The following FRAS1 variants were observed in gnomAD, a reference collection of about 807,000 sequenced individuals.
The protein encoded by FRAS1 is extracellular matrix organizing protein FRAS1.
In FRAS1, 290 loss-of-function variants were observed where a neutral mutation model predicts 435.2. The observed-to-expected ratio is 0.67, with a 90% CI of 0.61 to 0.73. The LOEUF (loss-of-function observed/expected upper bound fraction) is 0.73. FRAS1 is among the 30% of genes least tolerant of loss of function. FRAS1 has a pLI of 0.00. For missense variants in FRAS1, 4,860 were observed against 5,001.5 expected, an observed-to-expected ratio of 0.97 and a Z score of 0.85; for synonymous variants, 1,800 against 1,851.0, an observed-to-expected ratio of 0.97 and a Z score of 0.71.
At chr4:78,185,108 T>G (rs1352419460) in intron 2 of FRAS1, among the ~76,000 whole-genome samples, 1 of 152,228 alleles carries the variant, frequency 6.6e-6, no homozygotes, top group East Asian at 1.9e-4. Flanking sequence ...GTATTATCAC[T>G]TTTCAAGATG....
intron 2 of FRAS1, among the ~76,000 whole-genome samples, chr4:78,172,049 T>G (rs938924921): frequency 6.6e-6 from 1 of 152,176 alleles, no homozygotes; most frequent in Non-Finnish European, 1.5e-5. Context: ...GGGCCTTGAC[T>G]TCTGACCTCT....
chr4:78,089,245 T>C (rs917301591), intron 2 of FRAS1, among the ~76,000 whole-genome samples: 2 of 122,112 alleles, frequency 1.6e-5, no homozygotes, highest in East Asian at 2.5e-4. Context: ...CACATGGACA[T>C]AGGAAGGGGA....
rs529174877 is a variant in FRAS1, at chr4:78,218,951, C to CA, written c.109-18555dup. ...TCACAAAAGATGACCTTGAAGTTTA[C>CA]AAAAGACACATTTCTTTCTATTCTT... On this transcript the variant is annotated intron_variant, in intron 2 of 73. Transcript: ENST00000512123. 1.4e-4 allele frequency among the ~76,000 whole-genome samples: 22 copies of CA among 152,278 alleles called. No individual in the cohort carries two copies. The East Asian group carries it at 3.7e-3, about 25-fold the overall frequency.
In FRAS1 at chr4:78,416,777, C is replaced by T. The variant is rs563265242; in HGVS notation, c.4426-2172C>T. Among the ~76,000 whole-genome samples the T allele has an allele frequency of 2.6e-5, 4 of 152,238 alleles. No individual in the cohort carries two copies. In the South Asian group the frequency reaches 8.3e-4, roughly 32 times the overall value. On this transcript the variant is annotated intron_variant, in intron 32 of 73. Coordinates refer to ENST00000512123, the MANE Select transcript of FRAS1 (RefSeq NM_025074.7). ...GGGTGTTGAGCAGAGGCCTCATGTC[C>T]TTGTGAAAGGATCACACTGGCTGTT...
At chr4:78,294,477 C>T (rs893204608) in intron 14 of FRAS1, among the ~76,000 whole-genome samples, 3 of 152,042 alleles carry the variant, frequency 2.0e-5, no homozygotes, top group Non-Finnish European at 4.4e-5. Flanking sequence ...CCTATGTTGT[C>T]GATTTAGGAA....
chr4:78,490,588 A>G (rs1180445320), intron 59 of FRAS1, among the ~76,000 whole-genome samples: 2 of 152,242 alleles, frequency 1.3e-5, no homozygotes, highest in Non-Finnish European at 2.9e-5. Context: ...GCAGAAATAA[A>G]TAAGTTCTTT....
chr4:78,096,722 TC>T (rs1741828290), intron 2 of FRAS1, among the ~76,000 whole-genome samples: 1 of 152,074 alleles, frequency 6.6e-6, no homozygotes, highest in South Asian at 2.1e-4. Context: ...GGGCACCAAA[TC>T]CCTACACTCC....
intron 2 of FRAS1, among the ~76,000 whole-genome samples, chr4:78,117,466 C>A (rs1379141468): frequency 5.3e-5 from 8 of 152,238 alleles, no homozygotes; most frequent in Admixed American, 5.2e-4. Flanking sequence ...CTTTCAGATA[C>A]ACCAATCAGA....
At chr4:78,247,684 T>C (rs564824861) in intron 4 of FRAS1, among the ~76,000 whole-genome samples, 2 of 152,302 alleles carry the variant, frequency 1.3e-5, no homozygotes, top group South Asian at 4.1e-4. Flanking sequence ...TTGTAGCATT[T>C]CCTTTCTTGC....
intron 2 of FRAS1, among the ~76,000 whole-genome samples, chr4:78,228,728 TC>T (rs1177735728): frequency 6.6e-6 from 1 of 152,196 alleles, no homozygotes; most frequent in East Asian, 1.9e-4. Flanking sequence ...CTACACCTAC[TC>T]CCTCTGTCAC....
chr4:78,305,318 C>T (rs1728655020), intron 14 of FRAS1, among the ~76,000 whole-genome samples: 3 of 151,716 alleles, frequency 2.0e-5, no homozygotes, highest in Admixed American at 1.3e-4. Context: ...TGGTGTGGTG[C>T]TGAAAAGAAT....
chr4:78,124,760 A>G (rs1719243134), intron 2 of FRAS1, among the ~76,000 whole-genome samples: 1 of 152,158 alleles, frequency 6.6e-6, no homozygotes, highest in African/African-American at 2.4e-5. Flanking sequence ...GCTTATTTGC[A>G]TAGAGGTGTT....
At chr4:78,330,478 A>G (rs1253915213) in intron 18 of FRAS1, among the ~76,000 whole-genome samples, 2 of 152,376 alleles carry the variant, frequency 1.3e-5, no homozygotes, top group African/African-American at 2.4e-5. Flanking sequence ...CTGGTGAGCC[A>G]TGCAGAACAG....
At chr4:78,194,845 A>C (rs368743239) in intron 2 of FRAS1, among the ~76,000 whole-genome samples, 1 of 151,500 alleles carries the variant, frequency 6.6e-6, no homozygotes, top group African/African-American at 2.4e-5. Flanking sequence ...GAGGAGAGAC[A>C]CTCTGATTTT....
At chr4:78,444,048 T>C in intron 41 of FRAS1, 1 of 380,146 alleles carries the variant, frequency 2.6e-6, no homozygotes, top group South Asian at 1.9e-5. Context: ...AGAGACAGGG[T>C]CTCACTAAGT....
chr4:78,497,041 AAAAT>A, intron 60 of FRAS1, 80 bp downstream of exon 60: 2 of 1,173,428 alleles, frequency 1.7e-6, no homozygotes, highest in Admixed American at 4.4e-5. Flanking sequence ...AGTGTTTTGA[AAAAT>A]AAAAGTGCTT....
chr4:78,345,518 TTCTA>T (rs754326480), intron 20 of FRAS1, among the ~76,000 whole-genome samples: 1 of 148,328 alleles, frequency 6.7e-6, no homozygotes, highest in East Asian at 1.9e-4. Context: ...AGTCCTGTTC[TTCTA>T]TCTCTGTATT....
At chr4:78,152,644 C>T (rs951303996) in intron 2 of FRAS1, among the ~76,000 whole-genome samples, 27 of 103,096 alleles carry the variant, frequency 2.6e-4, no homozygotes, top group Admixed American at 4.6e-4. Flanking sequence ...GTATGTAATG[C>T]GATATTTGCT....
intron 20 of FRAS1, 49 bp from the exon 21 acceptor site, chr4:78,363,464 T>C (rs1482817305): frequency 2.6e-6 from 4 of 1,554,878 alleles, no homozygotes; most frequent in East Asian, 4.5e-5. Flanking sequence ...GATGAGACTT[T>C]GTGCTCATGA....
Sources: gnomAD v4.1 joint callset for allele counts (sites outside exome capture counted in the v4.1 genomes callset) on GRCh38, gnomAD v4.1.1 for gene constraint, MANE v1.5 for transcripts, NCBI Gene and HGNC (gene_info 2026-07-23, HGNC 2026-07-21) for gene names.